Variants in MAP3K5 observed in about 807,000 individuals in gnomAD.
MAP3K5 encodes mitogen-activated protein kinase kinase kinase 5.
Under a neutral mutation model 158.7 loss-of-function variants are expected in MAP3K5, and 56 were observed. That is an observed-to-expected ratio of 0.35 (90% CI 0.28 to 0.44). MAP3K5 has a LOEUF of 0.44. Among genes scored for constraint, MAP3K5 ranks in the 20% least tolerant of loss-of-function variants. The probability of loss-of-function intolerance (pLI) is 1.00; values close to 1 mark genes in which losing one functional copy is unlikely to be tolerated. For missense variants in MAP3K5, 1,294 were observed against 1,674.8 expected, an observed-to-expected ratio of 0.77 and a Z score of 3.97; for synonymous variants, 579 against 601.7, an observed-to-expected ratio of 0.96 and a Z score of 0.55.
In MAP3K5 at chr6:136,622,691, A is replaced by G. The variant is rs530508174; in HGVS notation, c.2150+157T>C. On this transcript the variant is annotated intron_variant, in intron 15 of 29. Transcript: ENST00000359015. ...CTTCCCCACCAGTCTGGCACTTCAA[A>G]CACTGAATGATGCAGCAGCGAAACC... is the stretch of plus-strand genomic sequence containing the variant. Among the ~76,000 whole-genome samples the G allele has an allele frequency of 9.2e-5, 14 of 152,350 alleles. No homozygotes were observed. The East Asian group carries it at 2.5e-3, about 27-fold the overall frequency.
rs200207142 is a variant in MAP3K5, at chr6:136,757,589, T to TA, written c.448+34120_448+34121insT. On this transcript the variant is annotated intron_variant, in intron 1 of 29. Coordinates refer to ENST00000359015, the MANE Select transcript of MAP3K5 (RefSeq NM_005923.4). ...TAGATTTATTTATTTATTTTTTATT[T>TA]TTTTTTTTTTTTTTTGAGACGGAGT... 3.7e-3 allele frequency among the ~76,000 whole-genome samples: 526 copies of TA among 141,494 alleles called. 6 individuals are homozygous for TA. Among genetic ancestry groups the TA allele is most frequent in the Middle Eastern group, 7.2e-3 (2 of 278 alleles). 92.8% of individuals were successfully genotyped at this position (141,494 alleles called of 152,430 possible).
intron 7 of MAP3K5, among the ~76,000 whole-genome samples, chr6:136,686,109 A>G (rs1780135109): frequency 6.6e-6 from 1 of 152,216 alleles, no homozygotes; most frequent in South Asian, 2.1e-4. Context: ...GGACAAATGG[A>G]TATAATGACA....
intron 21 of MAP3K5, among the ~76,000 whole-genome samples, chr6:136,593,474 C>G (rs1032812378): frequency 6.6e-6 from 1 of 152,096 alleles, no homozygotes; most frequent in Admixed American, 6.5e-5. Flanking sequence ...ATTGCCCAAG[C>G]CTCAGTCCAC....
chr6:136,693,084 G>A (rs747662700), intron 7 of MAP3K5, among the ~76,000 whole-genome samples: 3 of 151,406 alleles, frequency 2.0e-5, no homozygotes, highest in Non-Finnish European at 4.4e-5. Context: ...TCATTTTTTT[G>A]TGCATGGCTT....
chr6:136,699,730 T>C (rs17065592), intron 3 of MAP3K5, among the ~76,000 whole-genome samples: 2,915 of 152,252 alleles, frequency 0.019, 96 homozygotes, highest in African/African-American at 0.067. Flanking sequence ...GGGAATTAAA[T>C]GCAAAGTTAA....
intron 1 of MAP3K5, among the ~76,000 whole-genome samples, chr6:136,771,562 T>C (rs1296281628): frequency 1.3e-5 from 2 of 152,164 alleles, no homozygotes; most frequent in Non-Finnish European, 2.9e-5. Context: ...AAACAACCCC[T>C]TAATCTGCAT....
intron 1 of MAP3K5, among the ~76,000 whole-genome samples, chr6:136,742,142 T>G (rs1311088318): frequency 6.6e-6 from 1 of 152,182 alleles, no homozygotes; most frequent in Non-Finnish European, 1.5e-5. Context: ...ATTGACAAAT[T>G]GATTCCTAAG....
At chr6:136,581,647 A>T (rs972309532) in intron 24 of MAP3K5, among the ~76,000 whole-genome samples, 12 of 152,154 alleles carry the variant, frequency 7.9e-5, no homozygotes, top group Non-Finnish European at 2.9e-5. Flanking sequence ...CATCTTCATC[A>T]AACTCCCCTA....
intron 23 of MAP3K5, among the ~76,000 whole-genome samples, chr6:136,588,401 A>G (rs1295089857): frequency 2.6e-5 from 4 of 152,244 alleles, no homozygotes; most frequent in African/African-American, 9.6e-5. Context: ...CTATTGGTAT[A>G]GTATTACTGT....
intron 11 of MAP3K5, among the ~76,000 whole-genome samples, chr6:136,647,031 T>G (rs1397170160): frequency 2.6e-5 from 4 of 152,222 alleles, no homozygotes; most frequent in Non-Finnish European, 5.9e-5. Flanking sequence ...TTTTTAATCC[T>G]TCTTCCTAAT....
intron 4 of MAP3K5, among the ~76,000 whole-genome samples, chr6:136,698,105 T>C (rs1780684474): frequency 6.6e-6 from 1 of 152,238 alleles, no homozygotes. Context: ...CTATCATTTA[T>C]TAACATAAAT....
intron 1 of MAP3K5, among the ~76,000 whole-genome samples, chr6:136,789,802 C>T (rs1784995984): frequency 6.6e-6 from 1 of 151,322 alleles, no homozygotes; most frequent in African/African-American, 2.4e-5. Flanking sequence ...GATTATCCTG[C>T]CTCAGCCTCC....
chr6:136,598,339 A>C (rs1182178237), intron 21 of MAP3K5, among the ~76,000 whole-genome samples: 2 of 152,380 alleles, frequency 1.3e-5, no homozygotes, highest in Non-Finnish European at 2.9e-5. Context: ...CAGCATTCTC[A>C]GACTGACTTC....
chr6:136,748,399 T>C (rs1442023405), intron 1 of MAP3K5, among the ~76,000 whole-genome samples: 3 of 152,176 alleles, frequency 2.0e-5, no homozygotes, highest in South Asian at 4.1e-4. Flanking sequence ...CAAGGTCTGA[T>C]TGCAAAAATT....
At chr6:136,737,041 A>ATATATATATATATATATATGTGTG (rs1562658974) in intron 1 of MAP3K5, among the ~76,000 whole-genome samples, 3 of 143,242 alleles carry the variant, frequency 2.1e-5, no homozygotes, top group African/African-American at 8.4e-5. Context: ...GTGTGTGTAT[A>ATATATATATATATATATATGTGTG]TATATATATA....
chr6:136,665,310 A>G (rs1226663723), intron 8 of MAP3K5, among the ~76,000 whole-genome samples: 2 of 152,096 alleles, frequency 1.3e-5, no homozygotes, highest in Non-Finnish European at 2.9e-5. Context: ...CTGGAAGAAT[A>G]ATACATTTAC....
intron 14 of MAP3K5, among the ~76,000 whole-genome samples, chr6:136,635,616 T>C (rs1427539567): frequency 1.3e-5 from 2 of 150,616 alleles, no homozygotes; most frequent in Non-Finnish European, 2.9e-5. Context: ...AGGCCAGGCA[T>C]GGTGCTTATC....
chr6:136,670,370 AGAGG>A (rs1779429644), intron 7 of MAP3K5, among the ~76,000 whole-genome samples: 1 of 152,158 alleles, frequency 6.6e-6, no homozygotes, highest in South Asian at 2.1e-4. Flanking sequence ...CTAGTGACTA[AGAGG>A]AACTGCCTGA....
intron 26 of MAP3K5, among the ~76,000 whole-genome samples, chr6:136,566,344 G>T (rs879567416): frequency 2.0e-4 from 30 of 152,222 alleles, no homozygotes; most frequent in African/African-American, 6.5e-4. Flanking sequence ...CAGAAGGCAT[G>T]GGTGGGAGGA....
Sources: gnomAD v4.1 joint callset for allele counts (sites outside exome capture counted in the v4.1 genomes callset) on GRCh38, gnomAD v4.1.1 for gene constraint, MANE v1.5 for transcripts, NCBI Gene and HGNC (gene_info 2026-07-23, HGNC 2026-07-21) for gene names.